DMXL1: variants seen among roughly 807,000 people sequenced by gnomAD.
DMXL1 encodes the protein Dmx like 1.
DMXL1 carries 99 observed loss-of-function variants against 319.2 expected under a neutral mutation model. That is an observed-to-expected ratio of 0.31 (90% confidence interval 0.26 to 0.37). The LOEUF (loss-of-function observed/expected upper bound fraction) is 0.37, where lower values mean the gene tolerates loss of function less well. Among genes scored for constraint, DMXL1 ranks in the 10% least tolerant of loss-of-function variants. The pLI, the probability that DMXL1 is intolerant of heterozygous loss-of-function variation, is 1.00. For missense variants in DMXL1, 3,745 were observed against 3,595.6 expected (o/e 1.04, Z -1.06); for synonymous variants, 1,385 against 1,235.2 (o/e 1.12, Z -2.54).
chr5:119,190,239 C>CT (rs928968784), intron 29 of DMXL1, among the ~76,000 whole-genome samples: 10 of 152,104 alleles, frequency 6.6e-5, no homozygotes, highest in African/African-American at 1.9e-4. Flanking sequence ...TCCATATACT[C>CT]TTTTTTATAC....
chr5:119,126,057 G>T (rs935441733), intron 9 of DMXL1, among the ~76,000 whole-genome samples: 1 of 152,054 alleles, frequency 6.6e-6, no homozygotes, highest in Non-Finnish European at 1.5e-5. Flanking sequence ...TTGGGAGGCC[G>T]AGGCGGTGGT....
In DMXL1 at chr5:119,170,603, G is replaced by T; in HGVS notation, c.5812G>T (p.Gly1938Cys). The T allele has an allele frequency of 1.9e-6, 3 of 1,613,472 alleles. No homozygotes were observed. Among genetic ancestry groups the T allele is most frequent in the African/African-American group, 1.3e-5 (1 of 74,820 alleles). The change falls in exon 24 of 44, where the codon GGT (glycine) becomes TGT (cysteine). Residue 1938 changes from glycine to cysteine, a missense_variant. Around this residue, in one of 4 missense-constraint regions of DMXL1, gnomAD observed 1,382 missense variants for 1,269.5 expected, o/e 1.09. Coordinates refer to ENST00000539542, the MANE Select transcript of DMXL1 (RefSeq NM_001290321.3). ...LINGFGSSSE[G>C]SSEKQSNSTL... ...AAATGGTTTTGGATCTTCTTCAGAG[G>T]GTTCCTCAGAGAAGCAATCAAACTC...
At position 119,170,391 on chromosome 5, in the gene DMXL1, A is replaced by G; in HGVS notation, c.5600A>G (p.Lys1867Arg). 6.2e-7 allele frequency: 1 copy of G among 1,614,022 alleles called. No homozygotes were observed. Among genetic ancestry groups the G allele is most frequent in the Non-Finnish European group, 8.5e-7 (1 of 1,179,948 alleles). The change falls in exon 24 of 44, where the codon AAA (lysine) becomes AGA (arginine). Residue 1867 changes from lysine to arginine, a missense_variant. By Grantham distance (26) the Lys-to-Arg change is conservative. This residue lies in a region of DMXL1 where 1,382 missense variants were observed against 1,269.5 expected (regional missense o/e 1.09). Coordinates refer to ENST00000539542, the MANE Select transcript of DMXL1 (RefSeq NM_001290321.3). ...LFFTTASAHL[K>R]AGCPMLALEV... ...TTTACCACTGCCAGTGCTCATTTAA[A>G]AGCTGGCTGCCCAATGTTGGCTTTG...
chr5:119,089,999 CTTTTTTTTTTTTTTTTTTTTTTTTT>C (rs70982467), intron 1 of DMXL1, among the ~76,000 whole-genome samples: 2 of 34,374 alleles, frequency 5.8e-5, no homozygotes, highest in Admixed American at 4.6e-4. Flanking sequence ...TCGGGTTAGT[CTTTTTTTTTTTTTTTTTTTTTTTTT>C]TTTTTTTTTT....
intron 34 of DMXL1, among the ~76,000 whole-genome samples, chr5:119,214,481 A>G (rs774977013): frequency 9.9e-5 from 15 of 152,272 alleles, no homozygotes; most frequent in Non-Finnish European, 7.4e-5. Flanking sequence ...CTGCCTTAGA[A>G]CAGGATTTGA....
At position 119,164,596 on chromosome 5, in the gene DMXL1, C is replaced by T; in HGVS notation, c.4792C>T (p.Pro1598Ser). 1 of 1,614,074 alleles carries T rather than the reference C, an allele frequency of 6.2e-7. No homozygotes were observed. The highest frequency in any genetic ancestry group is 8.5e-7 in the Non-Finnish European group (1 of 1,179,974). Residue 1598 changes from proline to serine, a missense_variant, in exon 20 of 44, where the codon CCC (proline) becomes TCC (serine). Pro to Ser is a moderately conservative substitution (Grantham distance 74, BLOSUM62 -1). Around this residue, in one of 4 missense-constraint regions of DMXL1, gnomAD observed 2,096 missense variants for 1,985.4 expected, o/e 1.06. Transcript: ENST00000539542. ...GTTGCCAGCCATGCAGAAAGATGAT[C>T]CCACTTGGTCTGAACTAAGAGCTAT... ...NMLPAMQKDD[P>S]TWSELRAMGV...
intron 34 of DMXL1, among the ~76,000 whole-genome samples, chr5:119,209,575 T>G (rs758634140): frequency 6.6e-6 from 1 of 152,140 alleles, no homozygotes; most frequent in Non-Finnish European, 1.5e-5. Context: ...CTCAAACTTC[T>G]GGGCTCAAGC....
intron 10 of DMXL1, among the ~76,000 whole-genome samples, chr5:119,131,230 A>T (rs943822577): frequency 2.6e-5 from 4 of 152,190 alleles, no homozygotes; most frequent in South Asian, 4.2e-4. Flanking sequence ...ACTTAAAAAA[A>T]ATATATCTCT....
rs1473874376 is a variant in DMXL1, at chr5:119,199,085, A to G, written c.7745+1129A>G. ...GTATTTTTTGTAGAGACAGGGTTTCACCTTGTTACTCAGGCTGGTCTCAAA... is the reference window on the plus strand; with the variant it reads ...GTATTTTTTGTAGAGACAGGGTTTCGCCTTGTTACTCAGGCTGGTCTCAAA... On this transcript the variant is annotated intron_variant, in intron 32 of 43. Coordinates refer to ENST00000539542, the MANE Select transcript of DMXL1 (RefSeq NM_001290321.3). 3.3e-5 allele frequency among the ~76,000 whole-genome samples: 5 copies of G among 151,930 alleles called. No homozygotes were observed. The South Asian group carries it at 6.2e-4, about 19-fold the overall frequency.
chr5:119,138,330 G>A (rs1766500745), intron 13 of DMXL1, among the ~76,000 whole-genome samples: 1 of 152,206 alleles, frequency 6.6e-6, no homozygotes, highest in Non-Finnish European at 1.5e-5. Context: ...GTGGAAGAAT[G>A]TAGAAGTAGC....
At chr5:119,217,963 G>A (rs546893540) in intron 35 of DMXL1, among the ~76,000 whole-genome samples, 24 of 152,112 alleles carry the variant, frequency 1.6e-4, no homozygotes, top group African/African-American at 4.6e-4. Flanking sequence ...TTCCAGATTT[G>A]CCTGCTTCAG....
chr5:119,216,571 G>A (rs1282400831), intron 34 of DMXL1, among the ~76,000 whole-genome samples: 1 of 152,004 alleles, frequency 6.6e-6, no homozygotes, highest in African/African-American at 2.4e-5. Flanking sequence ...TATAATGCTA[G>A]GAAACTTGGT....
chr5:119,127,974 T>G, intron 9 of DMXL1: 1 of 395,268 alleles, frequency 2.5e-6, no homozygotes, highest in Non-Finnish European at 5.2e-6. Flanking sequence ...AGAAATGAAG[T>G]ATAAACAACC....
At chr5:119,114,248 T>G (rs977872822) in intron 5 of DMXL1, among the ~76,000 whole-genome samples, 1 of 152,246 alleles carries the variant, frequency 6.6e-6, no homozygotes, top group African/African-American at 2.4e-5. Context: ...GTTTTAGGCT[T>G]TAAAGATTTT....
At chr5:119,130,438 G>T (rs925369164) in intron 10 of DMXL1, among the ~76,000 whole-genome samples, 2 of 152,052 alleles carry the variant, frequency 1.3e-5, no homozygotes, top group African/African-American at 2.4e-5. Context: ...CACCTCCCGG[G>T]TTCAAGCAAT....
At chr5:119,087,821 A>C (rs1239866836) in intron 1 of DMXL1, among the ~76,000 whole-genome samples, 1 of 150,966 alleles carries the variant, frequency 6.6e-6, no homozygotes, top group Non-Finnish European at 1.5e-5. Flanking sequence ...TTTTTTTTTG[A>C]GACAGAGTCT....
At chr5:119,102,593 A>G (rs1580710547) in intron 3 of DMXL1, among the ~76,000 whole-genome samples, 1 of 152,124 alleles carries the variant, frequency 6.6e-6, no homozygotes, top group Non-Finnish European at 1.5e-5. Flanking sequence ...AGGCAGGAGG[A>G]TTGCATAAGG....
At chr5:119,088,138 G>A (rs1753787931) in intron 1 of DMXL1, among the ~76,000 whole-genome samples, 1 of 152,132 alleles carries the variant, frequency 6.6e-6, no homozygotes, top group Admixed American at 6.5e-5. Context: ...CTGGTGTTGG[G>A]CGATAGAGAT....
At chr5:119,110,855 T>C (rs894157726) in intron 5 of DMXL1, among the ~76,000 whole-genome samples, 1 of 152,190 alleles carries the variant, frequency 6.6e-6, no homozygotes, top group Non-Finnish European at 1.5e-5. Flanking sequence ...TGCAATGATG[T>C]GAGGCTTACT....
Sources: allele counts gnomAD v4.1 joint callset (sites outside exome capture counted in the v4.1 genomes callset), GRCh38; gene constraint gnomAD v4.1.1; regional missense constraint gnomAD v4.1.1; transcripts MANE v1.5; gene names NCBI Gene and HGNC (gene_info 2026-07-23, HGNC 2026-07-21).